STAG1: variants seen among roughly 807,000 people sequenced by gnomAD.
STAG1 encodes the protein cohesin subunit SA-1.
A neutral mutation model predicts 170.9 loss-of-function variants in STAG1; 26 were observed. That is an observed-to-expected ratio of 0.15 (90% confidence interval 0.11 to 0.21). The LOEUF (loss-of-function observed/expected upper bound fraction) is 0.21, where lower values mean the gene tolerates loss of function less well. STAG1 is among the 10% of genes least tolerant of loss of function. The pLI, the probability that STAG1 is intolerant of heterozygous loss-of-function variation, is 1.00. For synonymous variants in STAG1, 514 were observed against 497.7 expected (o/e 1.03, Z -0.44); for missense variants, 964 against 1,509.5 (o/e 0.64, Z 5.99).
At chr3:136,531,833 C>T (rs1203924348) in intron 6 of STAG1, among the ~76,000 whole-genome samples, 18 of 149,374 alleles carry the variant, frequency 1.2e-4, no homozygotes, top group Non-Finnish European at 2.5e-4. Context: ...GTGGGTGCAG[C>T]GCACCAGCAT....
chr3:136,585,422 A>G (rs957927855), intron 4 of STAG1, among the ~76,000 whole-genome samples: 13 of 152,098 alleles, frequency 8.5e-5, no homozygotes, highest in African/African-American at 3.1e-4. Context: ...AGCCTGGGCG[A>G]CAGAGTGAGA....
At chr3:136,624,726 T>C (rs550788920) in intron 2 of STAG1, among the ~76,000 whole-genome samples, 45 of 152,360 alleles carry the variant, frequency 3.0e-4, no homozygotes, top group Non-Finnish European at 5.7e-4. Flanking sequence ...AAATTAAGCA[T>C]TGATTTTTAT....
intron 4 of STAG1, among the ~76,000 whole-genome samples, chr3:136,595,143 C>T (rs888460567): frequency 1.3e-5 from 2 of 152,100 alleles, no homozygotes; most frequent in African/African-American, 2.4e-5. Context: ...AATTAACAAG[C>T]TCTTACTCAT....
At chr3:136,522,405 C>T (rs1051740225) in intron 6 of STAG1, among the ~76,000 whole-genome samples, 18 of 152,078 alleles carry the variant, frequency 1.2e-4, no homozygotes, top group African/African-American at 3.6e-4. Context: ...CACTACATGA[C>T]GGGGAGTGTG....
At chr3:136,469,294 T>C (rs2089558465) in intron 12 of STAG1, among the ~76,000 whole-genome samples, 2 of 152,182 alleles carry the variant, frequency 1.3e-5, no homozygotes, top group Admixed American at 6.5e-5. Flanking sequence ...AGTCTCAGGA[T>C]ACAAAATCAA....
intron 32 of STAG1, 78 bp from the exon 33 acceptor site, chr3:136,338,528 T>TGAC: frequency 9.4e-7 from 1 of 1,065,856 alleles, no homozygotes; most frequent in Non-Finnish European, 1.4e-6. Context: ...CTAATATTTC[T>TGAC]GACAGTATCA....
intron 16 of STAG1, among the ~76,000 whole-genome samples, chr3:136,429,898 T>TGGCCAGG (rs2088243974): frequency 6.6e-6 from 1 of 152,176 alleles, no homozygotes; most frequent in Non-Finnish European, 1.5e-5. Context: ...AAAACTTTTT[T>TGGCCAGG]CTCCTCTAGC....
In STAG1 at chr3:136,451,940, T is replaced by A. The variant is rs2088954415; in HGVS notation, c.1428+93A>T. The A allele has an allele frequency of 5.0e-6, 4 of 792,270 alleles. No homozygotes were observed. In the South Asian group the frequency reaches 7.6e-5, roughly 15 times the overall value. 49.1% of individuals were successfully genotyped at this position (792,270 alleles called of 1,614,324 possible). ...AAGGTAACTTTATAAGAAACAGACT[T>A]GTTTTTATTTGATTGAAAAAAATTA... On this transcript the variant is annotated intron_variant, in intron 14 of 33. Coordinates refer to ENST00000383202, the MANE Select transcript of STAG1 (RefSeq NM_005862.3).
intron 12 of STAG1, among the ~76,000 whole-genome samples, chr3:136,467,069 T>C (rs1164680512): frequency 6.6e-6 from 1 of 152,186 alleles, no homozygotes; most frequent in African/African-American, 2.4e-5. Context: ...GTAAAGACCA[T>C]GGATGCTAGA....
At chr3:136,621,957 A>T (rs1437278189) in intron 3 of STAG1, among the ~76,000 whole-genome samples, 1 of 148,318 alleles carries the variant, frequency 6.7e-6, no homozygotes, top group African/African-American at 2.5e-5. Flanking sequence ...AAAATATTTT[A>T]TACTGGGACT....
intron 3 of STAG1, among the ~76,000 whole-genome samples, chr3:136,608,647 T>G (rs1355433537): frequency 6.7e-6 from 1 of 149,516 alleles, no homozygotes; most frequent in Non-Finnish European, 1.5e-5. Context: ...AAAGCCCATC[T>G]CTATAAAGTT....
chr3:136,616,698 G>GGAGTTT (rs1213363748), intron 3 of STAG1, among the ~76,000 whole-genome samples: 1 of 152,148 alleles, frequency 6.6e-6, no homozygotes, highest in African/African-American at 2.4e-5. Context: ...CTTGAGCCGA[G>GGAGTTT]GAGTTTGAGA....
Position 136,521,397 on chromosome 3 carries a change from A to G in STAG1, c.492T>C (p.Leu164=). Residue 164 remains leucine (L), a synonymous_variant, in exon 7 of 34, where the codon CTT becomes CTC. Coordinates refer to ENST00000383202, the MANE Select transcript of STAG1 (RefSeq NM_005862.3). ...TTTTCCACTGAGGTCCAGGCATGGTAAGAGGATAATCACCACTGTCCTAAA... is the reference window on the plus strand; with the variant it reads ...TTTTCCACTGAGGTCCAGGCATGGTGAGAGGATAATCACCACTGTCCTAAA... ...EFDEDSGDYP[L]TMPGPQWKKF... 5 of 1,613,636 alleles carry G rather than the reference A, an allele frequency of 3.1e-6. No individual in the cohort carries two copies. The highest frequency in any genetic ancestry group is 4.2e-6 in the Non-Finnish European group (5 of 1,179,708).
chr3:136,408,923 G>C (rs2087554783), intron 21 of STAG1, among the ~76,000 whole-genome samples: 1 of 152,152 alleles, frequency 6.6e-6, no homozygotes, highest in African/African-American at 2.4e-5. Flanking sequence ...GGAAATAAGT[G>C]TGTAGTCTTC....
chr3:136,448,562 T>C (rs1485368514), intron 14 of STAG1, among the ~76,000 whole-genome samples: 2 of 152,192 alleles, frequency 1.3e-5, no homozygotes, highest in Non-Finnish European at 2.9e-5. Context: ...GGTCCCACCC[T>C]TGACACATGG....
intron 1 of STAG1, among the ~76,000 whole-genome samples, chr3:136,750,968 A>G (rs1393941447): frequency 3.3e-5 from 5 of 152,234 alleles, no homozygotes; most frequent in Non-Finnish European, 7.3e-5. Context: ...AATTTTCTTA[A>G]AACACGAGGA....
At chr3:136,569,150 T>C (rs1454029258) in intron 4 of STAG1, among the ~76,000 whole-genome samples, 1 of 152,062 alleles carries the variant, frequency 6.6e-6, no homozygotes, top group Non-Finnish European at 1.5e-5. Context: ...TAGATAATAT[T>C]CAAACCATAT....
intron 9 of STAG1, among the ~76,000 whole-genome samples, chr3:136,482,526 G>T (rs1405708701): frequency 1.1e-3 from 1 of 902 alleles, no homozygotes; most frequent in Non-Finnish European, 2.7e-3. Flanking sequence ...AATAGGTGTG[G>T]TGTGGTGCTG....
intron 10 of STAG1, among the ~76,000 whole-genome samples, chr3:136,473,965 T>A (rs6439642): frequency 0.36 from 55,204 of 152,066 alleles, 11,076 homozygotes; most frequent in African/African-American, 0.52. Context: ...AGTATGTTTA[T>A]TTGTCCTTTA....
Sources: gnomAD v4.1 joint callset for allele counts (sites outside exome capture counted in the v4.1 genomes callset) on GRCh38, gnomAD v4.1.1 for gene constraint, MANE v1.5 for transcripts, NCBI Gene and HGNC (gene_info 2026-07-23, HGNC 2026-07-21) for gene names.